The following MIGA1 variants were observed in gnomAD, a reference collection of about 807,000 sequenced individuals.
MIGA1 encodes the protein family with sequence similarity 73, member A.
Under a neutral mutation model 82.0 loss-of-function variants are expected in MIGA1, and 58 were observed. That is an observed-to-expected ratio of 0.71 (90% CI 0.57 to 0.88). MIGA1 has a LOEUF of 0.88. Ranked by LOEUF, MIGA1 falls within the 40% of genes least tolerant of loss-of-function variation. The pLI is 0.00. For missense variants in MIGA1, 751 were observed against 749.1 expected, an observed-to-expected ratio of 1.00 and a Z score of -0.03; for synonymous variants, 249 against 253.6, an observed-to-expected ratio of 0.98 and a Z score of 0.17.
At position 77,843,337 on chromosome 1, in the gene MIGA1, A is replaced by G. The variant is rs1018741486; in HGVS notation, c.926A>G (p.Asn309Ser). Reference sequence around the variant, plus strand: ...GATACAGATATCACCATGAAGGGTAATGTGGAAGACTTTGGCCTGCGAGAC... The same window carrying G: ...GATACAGATATCACCATGAAGGGTAGTGTGGAAGACTTTGGCCTGCGAGAC... Residue 309 changes from asparagine (N) to serine (S), a missense_variant, in exon 8 of 16, where the codon AAT becomes AGT. Transcript: ENST00000370791. 1.2e-6 allele frequency: 2 copies of G among 1,613,822 alleles called. No individual in the cohort carries two copies. The highest frequency in any genetic ancestry group is 1.3e-5 in the African/African-American group (1 of 74,934).
rs1267074764 is a variant in MIGA1, at chr1:77,866,328, A to G, written c.1510-10A>G. 2 of 1,613,532 alleles carry G rather than the reference A, an allele frequency of 1.2e-6. No homozygotes were observed. The highest frequency in any genetic ancestry group is 1.7e-5 in the Admixed American group (1 of 60,004). On this transcript the variant is annotated splice_polypyrimidine_tract_variant and intron_variant, in intron 13 of 15. Coordinates refer to ENST00000370791, the MANE Select transcript of MIGA1 (RefSeq NM_198549.4). ...ATATATAAATCTTTCTTTTCTCTGCATGTATTTAGGCTGTGGCTTCAAGTT... is the reference window on the plus strand; with the variant it reads ...ATATATAAATCTTTCTTTTCTCTGCGTGTATTTAGGCTGTGGCTTCAAGTT...
intron 14 of MIGA1, among the ~76,000 whole-genome samples, chr1:77,869,351 C>G (rs542385735): frequency 1.0e-4 from 15 of 148,326 alleles, no homozygotes; most frequent in Admixed American, 1.0e-3. Flanking sequence ...TCTATCCACA[C>G]AGACCCGGCA....
intron 14 of MIGA1, among the ~76,000 whole-genome samples, chr1:77,868,911 C>T (rs1259448768): frequency 6.6e-6 from 1 of 150,534 alleles, no homozygotes; most frequent in African/African-American, 2.5e-5. Context: ...TAGAAACTAG[C>T]ACATTTTCTT....
chr1:77,801,334 A>C lies in MIGA1; in HGVS notation c.199A>C (p.Lys67Gln). 6.5e-7 allele frequency: 1 copy of C among 1,549,194 alleles called. No homozygotes were observed. The highest frequency in any genetic ancestry group is 8.6e-7 in the Non-Finnish European group (1 of 1,158,438). ...ATTTTAACTGAATCTTTTCCAGATCAAATTTTCTCCGGTGGCTAAAAAGTT... is the reference window on the plus strand; with the variant it reads ...ATTTTAACTGAATCTTTTCCAGATCCAATTTTCTCCGGTGGCTAAAAAGTT... The change falls in exon 3 of 16, where the codon AAA (lysine) becomes CAA (glutamine). Residue 67 changes from lysine to glutamine, a missense_variant. Transcript: ENST00000370791.
rs1197966897 is a variant in MIGA1 at position 77,871,091 on chromosome 1, A to G, written c.1564-1913A>G. Among the ~76,000 whole-genome samples the G allele has an allele frequency of 1.2e-3, 42 of 34,676 alleles. No homozygotes were observed. The South Asian group carries it at 0.063, about 52-fold the overall frequency. 22.7% of individuals were successfully genotyped at this position (34,676 alleles called of 152,430 possible). A position where few individuals can be genotyped will look rare whatever the true frequency, so the allele number is the denominator to read the frequency against. On this transcript the variant is annotated intron_variant, in intron 14 of 15. Coordinates refer to ENST00000370791, the MANE Select transcript of MIGA1 (RefSeq NM_198549.4). ...GGAGACCGTGGAAGGAGACCGTGGGAAGGGGGAGAGGGAGAGGGAGAGGGA... is the reference window on the plus strand; with the variant it reads ...GGAGACCGTGGAAGGAGACCGTGGGGAGGGGGAGAGGGAGAGGGAGAGGGA...
At chr1:77,829,784 T>A (rs1175972454) in intron 7 of MIGA1, among the ~76,000 whole-genome samples, 1 of 152,168 alleles carries the variant, frequency 6.6e-6, no homozygotes, top group South Asian at 2.1e-4. Flanking sequence ...GAAGTTTTTT[T>A]AAATGTATTT....
At position 77,876,555 on chromosome 1, in the gene MIGA1, A is replaced by G. The variant is rs1646895533; in HGVS notation, c.*1491A>G. 6.6e-6 allele frequency: 1 copy of G among 152,196 alleles called. No homozygotes were observed. Among genetic ancestry groups the G allele is most frequent in the Non-Finnish European group, 1.5e-5 (1 of 68,034 alleles). 9.4% of individuals were successfully genotyped at this position (152,196 alleles called of 1,614,324 possible). A position where few individuals can be genotyped will look rare whatever the true frequency, so the allele number is the denominator to read the frequency against. ...ATTTAGTGTTATTTGAAGACTGTCA[A>G]CATCTGAAGGTATGAAACTTGGTAC... On this transcript the variant is annotated 3_prime_UTR_variant, in exon 16 of 16. Transcript: ENST00000370791.
At chr1:77,835,517 C>G (rs551730304) in intron 7 of MIGA1, among the ~76,000 whole-genome samples, 2 of 152,178 alleles carry the variant, frequency 1.3e-5, no homozygotes, top group African/African-American at 4.8e-5. Context: ...ATTTAATGTA[C>G]AATCAACCAG....
At chr1:77,839,213 G>T (rs570105457) in intron 7 of MIGA1, among the ~76,000 whole-genome samples, 18 of 151,320 alleles carry the variant, frequency 1.2e-4, no homozygotes, top group South Asian at 6.3e-4. Flanking sequence ...GTACATCCTC[G>T]ACCAAAATAA....
intron 2 of MIGA1, among the ~76,000 whole-genome samples, chr1:77,793,295 G>T (rs1682506806): frequency 6.6e-6 from 1 of 151,900 alleles, no homozygotes; most frequent in Non-Finnish European, 1.5e-5. Flanking sequence ...TAGAGACGGG[G>T]TCTCACCATG....
intron 2 of MIGA1, among the ~76,000 whole-genome samples, chr1:77,785,996 C>T (rs1245183991): frequency 1.3e-5 from 2 of 152,218 alleles, no homozygotes; most frequent in Non-Finnish European, 2.9e-5. Context: ...GAGGGCCCAC[C>T]CCTGCAGCAA....
intron 8 of MIGA1, among the ~76,000 whole-genome samples, chr1:77,844,174 AT>A (rs1419048671): frequency 1.4e-5 from 2 of 147,898 alleles, no homozygotes; most frequent in Non-Finnish European, 3.0e-5. Context: ...ATATAGATAT[AT>A]ATGTATATAC....
At chr1:77,843,129 G>C (rs1220095456) in intron 7 of MIGA1, among the ~76,000 whole-genome samples, 178 bp from the exon 8 acceptor site, 1 of 152,076 alleles carries the variant, frequency 6.6e-6, no homozygotes, top group Admixed American at 6.6e-5. Context: ...TTGTAACATT[G>C]TCTCCCCTAC....
At chr1:77,828,367 T>C (rs995988512) in intron 7 of MIGA1, among the ~76,000 whole-genome samples, 2 of 152,226 alleles carry the variant, frequency 1.3e-5, no homozygotes, top group Middle Eastern at 3.2e-3. Flanking sequence ...TTTGGGTTTG[T>C]ATTTCCTAGT....
At chr1:77,800,341 C>T (rs1682824605) in intron 2 of MIGA1, among the ~76,000 whole-genome samples, 1 of 152,198 alleles carries the variant, frequency 6.6e-6, no homozygotes, top group Non-Finnish European at 1.5e-5. Flanking sequence ...TTCTTGCTAA[C>T]GTCATGCTAT....
At chr1:77,849,072 A>T (rs981387096) in intron 8 of MIGA1, among the ~76,000 whole-genome samples, 7 of 152,348 alleles carry the variant, frequency 4.6e-5, no homozygotes, top group African/African-American at 1.7e-4. Flanking sequence ...CTGTAGGTAC[A>T]TAATGAGGAA....
chr1:77,851,592 TTTAAGA>T (rs1685052513), intron 8 of MIGA1, among the ~76,000 whole-genome samples: 1 of 152,186 alleles, frequency 6.6e-6, no homozygotes, highest in Non-Finnish European at 1.5e-5. Flanking sequence ...TTTAAAAAAG[TTTAAGA>T]TTAATGATTT....
intron 8 of MIGA1, chr1:77,847,503 G>T (rs1448533899): frequency 7.0e-6 from 10 of 1,437,924 alleles, no homozygotes; most frequent in Non-Finnish European, 8.8e-6. Flanking sequence ...ACGAGAAATG[G>T]AAAAGGAAAT....
Position 77,815,115 on chromosome 1 carries a change from T to C in MIGA1, c.779T>C (p.Ile260Thr). Residue 260 changes from isoleucine to threonine, a missense_variant, in exon 7 of 16, where the codon ATT becomes ACT. This residue lies in a region of MIGA1 where 482 missense variants were observed against 439.4 expected (regional missense o/e 1.10). Transcript: ENST00000370791. The stretch of plus-strand genomic sequence containing the variant: ...CTTTTTCTCTCCTTGTAGGATATTA[T>C]TAGTACTGAATTTATCCATAAACTC... 1 of 1,578,678 alleles carries C rather than the reference T, an allele frequency of 6.3e-7. No homozygotes were observed. The highest frequency in any genetic ancestry group is 8.6e-7 in the Non-Finnish European group (1 of 1,159,370).
Sources: allele counts gnomAD v4.1 joint callset (sites outside exome capture counted in the v4.1 genomes callset), GRCh38; gene constraint gnomAD v4.1.1; regional missense constraint gnomAD v4.1.1; transcripts MANE v1.5; gene names NCBI Gene and HGNC (gene_info 2026-07-23, HGNC 2026-07-21).